ALLC: variants seen among roughly 807,000 people sequenced by gnomAD.
ALLC encodes the protein probable inactive allantoicase.
In ALLC, 40 loss-of-function variants were observed where a neutral mutation model predicts 45.0. The observed-to-expected ratio is 0.89, with a 90% CI of 0.69 to 1.16. ALLC has a LOEUF of 1.16. ALLC is among the 50% of genes most tolerant of loss of function. The pLI is 0.00. For missense variants in ALLC, 488 were observed against 493.1 expected, an observed-to-expected ratio of 0.99 and a Z score of 0.10; for synonymous variants, 176 against 178.1, an observed-to-expected ratio of 0.99 and a Z score of 0.09.
Position 3,697,334 on chromosome 2 carries a change from C to T in ALLC, c.742-14C>T. The T allele has an allele frequency of 6.2e-7, 1 of 1,610,036 alleles. No individual in the cohort carries two copies. Among genetic ancestry groups the T allele is most frequent in the Non-Finnish European group, 8.5e-7 (1 of 1,176,602 alleles). On this transcript the variant is annotated splice_polypyrimidine_tract_variant and intron_variant, in intron 9 of 11. Coordinates refer to ENST00000252505, the MANE Select transcript of ALLC (RefSeq NM_018436.4). ...CCAAGTTCGTTTACCATTTTCTTCT[C>T]TTCTGAATTCCAGAATGATGAGAAT...
intron 4 of ALLC, among the ~76,000 whole-genome samples, chr2:3,679,525 G>T (rs62108699): frequency 6.6e-6 from 1 of 152,208 alleles, no homozygotes; most frequent in African/African-American, 2.4e-5. Context: ...CTAATTTACA[G>T]TTGAGAAAAT....
At chr2:3,667,654 T>C (rs1025307313) in intron 1 of ALLC, among the ~76,000 whole-genome samples, 5 of 152,230 alleles carry the variant, frequency 3.3e-5, no homozygotes, top group Admixed American at 6.5e-5. Flanking sequence ...CGCACGACAT[T>C]CCTGTGAACT....
chr2:3,648,978 C>G, the ALLC span, among the ~76,000 whole-genome samples: 3 of 152,130 alleles, frequency 2.0e-5, no homozygotes, highest in Non-Finnish European at 2.9e-5. Context: ...GTGTTGAGTA[C>G]TGAGTACCTG....
chr2:3,651,800 C>T, the ALLC span, among the ~76,000 whole-genome samples: 2 of 152,080 alleles, frequency 1.3e-5, no homozygotes, highest in Non-Finnish European at 1.5e-5. Context: ...TCTCAATCGT[C>T]CTTATTCGCG....
rs775569092 is a variant in ALLC at position 3,702,442 on chromosome 2, T to C, written c.1055T>C (p.Ile352Thr). ...GTCATCACTCACGCCAGGCTCACCATCGTCCCCGACGGGGGAGTGAGCCGC... is the reference window on the plus strand; with the variant it reads ...GTCATCACTCACGCCAGGCTCACCACCGTCCCCGACGGGGGAGTGAGCCGC... ...QDVITHARLT[I>T]VPDGGVSRLR... Residue 352 changes from isoleucine (I) to threonine (T), a missense_variant, in exon 12 of 12, where the codon ATC becomes ACC. Transcript: ENST00000252505. 6 of 1,612,932 alleles carry C rather than the reference T, an allele frequency of 3.7e-6. No homozygotes were observed. The Admixed American group carries it at 1.0e-4, about 27-fold the overall frequency.
At chr2:3,646,245 C>T in the ALLC span, among the ~76,000 whole-genome samples, 1 of 152,224 alleles carries the variant, frequency 6.6e-6, no homozygotes, top group South Asian at 2.1e-4. Flanking sequence ...CGGGTGCTGT[C>T]TGCCTTCTTC....
chr2:3,667,831 C>T (rs532341223), intron 1 of ALLC, among the ~76,000 whole-genome samples: 14 of 152,210 alleles, frequency 9.2e-5, no homozygotes, highest in Non-Finnish European at 1.9e-4. Context: ...ATGGCACAAT[C>T]TCGGCTCACC....
the ALLC span, among the ~76,000 whole-genome samples, chr2:3,646,488 G>A: frequency 2.0e-5 from 3 of 152,308 alleles, no homozygotes; most frequent in African/African-American, 7.2e-5. Context: ...TCATTGGAAG[G>A]ACATAGCAAA....
chr2:3,666,148 G>A (rs1010278247), intron 1 of ALLC, among the ~76,000 whole-genome samples: 2 of 152,218 alleles, frequency 1.3e-5, no homozygotes, highest in Admixed American at 1.3e-4. Flanking sequence ...AGTGGGTCAT[G>A]CCCCACGTTA....
chr2:3,647,445 C>G, the ALLC span, among the ~76,000 whole-genome samples: 52 of 152,242 alleles, frequency 3.4e-4, no homozygotes, highest in African/African-American at 1.2e-3. Context: ...GCCTGCTTCT[C>G]CCATCCTGCC....
At chr2:3,682,565 G>C (rs1408012681) in intron 6 of ALLC, among the ~76,000 whole-genome samples, 2 of 152,026 alleles carry the variant, frequency 1.3e-5, no homozygotes, top group Admixed American at 6.6e-5. Context: ...TCGCTCTGTG[G>C]CCCAGGCTGG....
chr2:3,648,300 T>C, the ALLC span, among the ~76,000 whole-genome samples: 1 of 152,240 alleles, frequency 6.6e-6, no homozygotes, highest in Non-Finnish European at 1.5e-5. Flanking sequence ...CAGGAAAGCA[T>C]GTCTTCCCAT....
upstream of ALLC, among the ~76,000 whole-genome samples, chr2:3,656,890 A>G (rs1666455794): frequency 6.6e-6 from 1 of 151,548 alleles, no homozygotes; most frequent in Non-Finnish European, 1.5e-5. Context: ...TCGGTGCCAC[A>G]GCCTAGGCTT....
intron 10 of ALLC, among the ~76,000 whole-genome samples, chr2:3,698,137 G>A (rs1421607075): frequency 1.3e-5 from 2 of 151,502 alleles, no homozygotes; most frequent in African/African-American, 2.4e-5. Context: ...GCTAATTTTT[G>A]TATTGTTAGT....
At chr2:3,659,956 A>T (rs1280924737) in intron 1 of ALLC, among the ~76,000 whole-genome samples, 1 of 152,096 alleles carries the variant, frequency 6.6e-6, no homozygotes, top group Non-Finnish European at 1.5e-5. Context: ...CTCCTTTCTC[A>T]CATTTTTTTA....
intron 10 of ALLC, among the ~76,000 whole-genome samples, chr2:3,697,920 C>A (rs1667725506): frequency 6.6e-6 from 1 of 151,744 alleles, no homozygotes; most frequent in South Asian, 2.1e-4. Flanking sequence ...CCGTCGCAGC[C>A]TCCCAAAGTG....
intron 5 of ALLC, among the ~76,000 whole-genome samples, chr2:3,681,160 G>A (rs1324990126): frequency 6.6e-6 from 1 of 152,156 alleles, no homozygotes; most frequent in Non-Finnish European, 1.5e-5. Flanking sequence ...AGGAAATGAT[G>A]CTACAAGAGA....
chr2:3,697,374 T>G lies in ALLC; in HGVS notation c.768T>G (p.Val256=). ...ATGATGAGAATGGCATTCTCTTGGTTCCGGGTTGTGAATGGGCAGTTTTCC... is the reference window on the plus strand; with the variant it reads ...ATGATGAGAATGGCATTCTCTTGGTGCCGGGTTGTGAATGGGCAGTTTTCC... ...LENDENGILL[V]PGCEWAVFRL... is the part of the protein sequence containing the mutation. The change falls in exon 10 of 12, where the codon GTT becomes GTG. Residue 256 remains valine (V), a synonymous_variant. Transcript: ENST00000252505. The G allele has an allele frequency of 6.2e-7, 1 of 1,613,956 alleles. No individual in the cohort carries two copies. The highest frequency in any genetic ancestry group is 1.1e-5 in the South Asian group (1 of 91,072).
intron 1 of ALLC, among the ~76,000 whole-genome samples, chr2:3,666,036 C>T (rs901550701): frequency 4.6e-5 from 7 of 151,936 alleles, no homozygotes; most frequent in African/African-American, 4.8e-5. Context: ...TGTAGGTTAT[C>T]GGAGGCACAC....
Sources: gnomAD v4.1 joint callset for allele counts (sites outside exome capture counted in the v4.1 genomes callset) on GRCh38, gnomAD v4.1.1 for gene constraint, MANE v1.5 for transcripts, NCBI Gene and HGNC (gene_info 2026-07-23, HGNC 2026-07-21) for gene names.